Variants in SLC35B3 observed in about 807,000 individuals in gnomAD.
SLC35B3 encodes solute carrier family 35 member B3.
A neutral mutation model predicts 44.1 loss-of-function variants in SLC35B3; 35 were observed. The observed-to-expected ratio is 0.79, with a 90% CI of 0.61 to 1.05. The LOEUF is 1.05. SLC35B3 is among the 50% of genes least tolerant of loss of function. SLC35B3 has a pLI of 0.00. For synonymous variants in SLC35B3, 146 were observed against 167.3 expected (o/e 0.87, Z 0.98); for missense variants, 414 against 476.4 (o/e 0.87, Z 1.22).
Position 8,425,896 on chromosome 6 carries a change from C to CT in SLC35B3, c.419+2040dup, listed in dbSNP as rs1301756783. 2.0e-5 allele frequency among the ~76,000 whole-genome samples: 3 copies of CT among 152,146 alleles called. No homozygotes were observed. The East Asian group carries it at 5.8e-4, about 29-fold the overall frequency. On this transcript the variant is annotated intron_variant, in intron 4 of 10. Coordinates refer to ENST00000644923, the MANE Select transcript of SLC35B3 (RefSeq NM_001370476.2). ...ACCACTTTCTGTTTATAATCAGAGA[C>CT]TAAGTTTTATTGCATATTGTTCTAG...
At chr6:8,417,327 G>T in intron 8 of SLC35B3, 75 bp downstream of exon 7, 1 of 922,684 alleles carries the variant, frequency 1.1e-6, no homozygotes, top group South Asian at 1.5e-5. Context: ...AGCCTCTTTT[G>T]AACAAGGGAA....
Position 8,417,445 on chromosome 6 carries a change from G to A in SLC35B3, c.830C>T (p.Thr277Ile), listed in dbSNP as rs777503753. 6.2e-7 allele frequency: 1 copy of A among 1,606,428 alleles called. No homozygotes were observed. The highest frequency in any genetic ancestry group is 8.5e-7 in the Non-Finnish European group (1 of 1,176,652). Reference sequence around the variant, plus strand: ...TGCAGGGCCTAATCCACTAGTGCATGTCAATCCCAGTAAAATGTATACAAA... The same window carrying A: ...TGCAGGGCCTAATCCACTAGTGCATATCAATCCCAGTAAAATGTATACAAA... Residue 277 changes from threonine to isoleucine, a missense_variant, in exon 8 of 11, where the codon ACA (threonine) becomes ATA (isoleucine). Coordinates refer to ENST00000644923, the MANE Select transcript of SLC35B3 (RefSeq NM_001370476.2).
intron 7 of SLC35B3, 69 bp from the exon 7 acceptor site, chr6:8,417,563 C>T: frequency 3.6e-6 from 3 of 827,120 alleles, no homozygotes; most frequent in South Asian, 3.5e-5. Flanking sequence ...AGGGTTTTAA[C>T]TCTATGGCTC....
chr6:8,427,132 C>A (rs7769690), intron 4 of SLC35B3, among the ~76,000 whole-genome samples: 77,254 of 151,982 alleles, frequency 0.51, 20,802 homozygotes, highest in African/African-American at 0.71. Flanking sequence ...CAGAGGAAAA[C>A]GGTTCAGAAA....
chr6:8,416,955 A>AG lies in SLC35B3; in HGVS notation c.913dup (p.Leu305ProfsTer15). On this transcript the variant is annotated frameshift_variant, in exon 9 of 11. Transcript: ENST00000644923. LOFTEE classifies it high-confidence loss of function. ...AAAGGAGATTCCAAAATATCCAGTGAGGGAAAAAAGGAACGCATAACCATA... is the reference window on the plus strand; with the variant it reads ...AAAGGAGATTCCAAAATATCCAGTGAGGGGAAAAAAGGAACGCATAACCATA... 7 of 1,606,166 alleles carry AG rather than the reference A, an allele frequency of 4.4e-6. No individual in the cohort carries two copies. Among genetic ancestry groups the AG allele is most frequent in the Non-Finnish European group, 5.9e-6 (7 of 1,176,624 alleles).
rs1159976132 is a variant in SLC35B3, at chr6:8,422,507, T to C, written c.537A>G (p.Lys179=). Residue 179 remains lysine, a synonymous_variant, in exon 5 of 11, where the codon AAA becomes AAG. Transcript: ENST00000644923. ...CTCCTCCTAGCATAACAGGAATCAA[T>C]TTGCAGCACTTGAAGATGACTTGGG... The C allele has an allele frequency of 6.2e-7, 1 of 1,613,522 alleles. No homozygotes were observed. Among genetic ancestry groups the C allele is most frequent in the Admixed American group, 1.7e-5 (1 of 59,966 alleles).
Position 8,417,312 on chromosome 6 carries a change from A to G in SLC35B3, c.873+90T>C, listed in dbSNP as rs562905069. The G allele has an allele frequency of 7.6e-6, 6 of 787,308 alleles. No homozygotes were observed. In the African/African-American group the frequency reaches 1.1e-4, roughly 14 times the overall value. 48.8% of individuals were successfully genotyped at this position (787,308 alleles called of 1,614,324 possible). The stretch of plus-strand genomic sequence containing the variant: ...TGTTAAAGGAGGTATCATTATATCT[A>G]TGATAGCCTCTTTTGAACAAGGGAA... On this transcript the variant is annotated intron_variant, in intron 8 of 10. Coordinates refer to ENST00000644923, the MANE Select transcript of SLC35B3 (RefSeq NM_001370476.2).
In SLC35B3 at chr6:8,416,992, G is replaced by T; in HGVS notation, c.877C>A (p.Pro293Thr). The T allele has an allele frequency of 6.5e-7, 1 of 1,536,184 alleles. No individual in the cohort carries two copies. Among genetic ancestry groups the T allele is most frequent in the Non-Finnish European group, 8.8e-7 (1 of 1,139,590 alleles). ...AACGCATAACCATAGGTCCGAACTG[G>T]ATTCTGCAAAAAATAAAAAAGCCTG... Residue 293 changes from proline (P) to threonine (T), a missense_variant, in exon 9 of 11, where the codon CCA becomes ACA. Transcript: ENST00000644923.
At chr6:8,417,716 C>A (rs1762543445) in intron 7 of SLC35B3, among the ~76,000 whole-genome samples, 1 of 151,834 alleles carries the variant, frequency 6.6e-6, no homozygotes, top group South Asian at 2.1e-4. Context: ...AATATTAATC[C>A]TTTCATATAT....
At chr6:8,431,778 C>G (rs1475630803) in intron 2 of SLC35B3, among the ~76,000 whole-genome samples, 6 of 152,120 alleles carry the variant, frequency 3.9e-5, no homozygotes, top group Admixed American at 2.0e-4. Context: ...GAGACGAAAA[C>G]CTTAACAATT....
rs1213691857 is a variant in SLC35B3 at position 8,427,940 on chromosome 6, C to T, written c.416G>A (p.Arg139Lys). Residue 139 changes from arginine to lysine, a missense_variant, in exon 4 of 11, where the codon AGG becomes AAG. Coordinates refer to ENST00000644923, the MANE Select transcript of SLC35B3 (RefSeq NM_001370476.2). ...AAAATAAAAACAAACCACATACCTC[C>T]TCCTTTTGTCCTGAATAAGCTGAAG... 1 of 1,609,030 alleles carries T rather than the reference C, an allele frequency of 6.2e-7. No homozygotes were observed.
rs1581291265 is a variant in SLC35B3 at position 8,435,506 on chromosome 6, A to C, written c.-207T>G. ...CGCGGCGGTCGCCTCCCCGGAAAGC[A>C]CTCTCAACTCCGGCGCCCGCAGGCC... On this transcript the variant is annotated 5_prime_UTR_variant, in exon 1 of 11. Coordinates refer to ENST00000644923, the MANE Select transcript of SLC35B3 (RefSeq NM_001370476.2). The surrounding 1 kb of genome is among the most constrained non-coding windows in gnomAD (Gnocchi z 5.5). The C allele has an allele frequency of 4.1e-6, 3 of 723,670 alleles. No homozygotes were observed. The highest frequency in any genetic ancestry group is 6.0e-6 in the Non-Finnish European group (3 of 503,768). 44.8% of individuals were successfully genotyped at this position (723,670 alleles called of 1,614,324 possible).
rs1023426779 is a variant in SLC35B3 at position 8,434,813 on chromosome 6, G to A, written c.-43-383C>T. Among the ~76,000 whole-genome samples, 1 of 152,124 alleles carries A rather than the reference G, an allele frequency of 6.6e-6. No homozygotes were observed. Among genetic ancestry groups the A allele is most frequent in the Non-Finnish European group, 1.5e-5 (1 of 68,026 alleles). ...AATATTCCTTAAATAATAAAAAGAC[G>A]GGAGAGATAATTCAGTTGCAAAGAC... On this transcript the variant is annotated intron_variant, in intron 1 of 10. Transcript: ENST00000644923. This position sits in a 1 kb window ranked among gnomAD's most constrained non-coding sequence, Gnocchi z 6.3.
chr6:8,424,624 A>G lies in SLC35B3; in HGVS notation c.420-2000T>C, dbSNP rs1438399663. Among the ~76,000 whole-genome samples, 5 of 152,294 alleles carry G rather than the reference A, an allele frequency of 3.3e-5. No individual in the cohort carries two copies. In the East Asian group the frequency reaches 9.6e-4, roughly 29 times the overall value. On this transcript the variant is annotated intron_variant, in intron 4 of 10. Transcript: ENST00000644923. ...ATCTGAGCACTCTCCTTAATTAGAAACTTATACTAATTAATAATAATGTTA... is the reference window on the plus strand; with the variant it reads ...ATCTGAGCACTCTCCTTAATTAGAAGCTTATACTAATTAATAATAATGTTA...
At chr6:8,413,812 T>C in intron 10 of SLC35B3, 113 bp from the exon 10 acceptor site, 1 of 614,092 alleles carries the variant, frequency 1.6e-6, no homozygotes, top group Non-Finnish European at 2.7e-6. Flanking sequence ...TAAAATTCTA[T>C]TAGAAGCCTA....
rs566282412 is a variant in SLC35B3, at chr6:8,427,765, A to G, written c.419+172T>C. ...TTTGTAATACTGCATTTAAGACTTTATTTTTTTCAGTGTATAAATGAATAA... is the reference window on the plus strand; with the variant it reads ...TTTGTAATACTGCATTTAAGACTTTGTTTTTTTCAGTGTATAAATGAATAA... On this transcript the variant is annotated intron_variant, in intron 4 of 10. Transcript: ENST00000644923. 26 of 481,054 alleles carry G rather than the reference A, an allele frequency of 5.4e-5. No homozygotes were observed. The East Asian group carries it at 8.7e-4, about 16-fold the overall frequency. The allele number at this position is 481,054 out of a possible 1,614,324, so 29.8% of individuals were successfully genotyped here.
chr6:8,415,064 A>G (rs1762296603), intron 9 of SLC35B3, 87 bp from the exon 9 acceptor site: 2 of 801,082 alleles, frequency 2.5e-6, no homozygotes, highest in Non-Finnish European at 4.0e-6. Flanking sequence ...TTTAGACCTG[A>G]CTATATGCCA....
rs770082309 is a variant in SLC35B3, at chr6:8,420,042, T to TA, written c.683-366dup. 0.054 allele frequency among the ~76,000 whole-genome samples: 7,369 copies of TA among 137,680 alleles called. 236 individuals carry two copies. Among genetic ancestry groups the TA allele is most frequent in the Non-Finnish European group, 0.072 (4,569 of 63,142 alleles). 90.3% of individuals were successfully genotyped at this position (137,680 alleles called of 152,430 possible). The stretch of plus-strand genomic sequence containing the variant: ...TGGGATTGGTGGCTATTCAGTTAAT[T>TA]AAAAAAAAAAAAAACAGATGAAGAG... On this transcript the variant is annotated intron_variant, in intron 6 of 10. Transcript: ENST00000644923. This position sits in a 1 kb window ranked among gnomAD's most constrained non-coding sequence, Gnocchi z 4.4.
chr6:8,415,752 T>C (rs1762359814), intron 9 of SLC35B3, among the ~76,000 whole-genome samples: 1 of 152,182 alleles, frequency 6.6e-6, no homozygotes, highest in South Asian at 2.1e-4. Context: ...TTTTTCTTTC[T>C]ATAGTAAAAG....
Sources: gnomAD v4.1 joint callset for allele counts (sites outside exome capture counted in the v4.1 genomes callset) on GRCh38, gnomAD v4.1.1 for gene constraint, Gnocchi (gnomAD v3.1) non-coding constraint, MANE v1.5 for transcripts, NCBI Gene and HGNC (gene_info 2026-07-23, HGNC 2026-07-21) for gene names.